Variants in GRIA4 observed in about 807,000 individuals in gnomAD.
GRIA4 encodes glutamate receptor 4.
GRIA4 carries 34 observed loss-of-function variants against 104.0 expected under a neutral mutation model. The observed-to-expected ratio is 0.33, with a 90% CI of 0.25 to 0.44. The LOEUF (loss-of-function observed/expected upper bound fraction) is 0.44. GRIA4 is among the 20% of genes least tolerant of loss of function. The pLI, the probability that GRIA4 is intolerant of heterozygous loss-of-function variation, is 1.00. For synonymous variants in GRIA4, 386 were observed against 381.9 expected (o/e 1.01, Z -0.13); for missense variants, 750 against 1,096.5 (o/e 0.68, Z 4.46).
At chr11:105,804,357 C>CAT (rs1942855205) in intron 4 of GRIA4, among the ~76,000 whole-genome samples, 1 of 147,940 alleles carries the variant, frequency 6.8e-6, no homozygotes, top group African/African-American at 2.5e-5. Context: ...CACACATGCA[C>CAT]ACACACACAC....
Position 105,964,776 on chromosome 11 carries a change from C to T in GRIA4, c.2295-7138C>T, listed in dbSNP as rs149106907. ...ACCAAATGTATGGGAGGCAGAAGCC[C>T]ATGACATGTTTTTTTTTGTTTTTTT... is the stretch of plus-strand genomic sequence containing the variant. On this transcript the variant is annotated intron_variant, in intron 14 of 16. Transcript: ENST00000282499. Among the ~76,000 whole-genome samples the T allele has an allele frequency of 7.7e-3, 1,165 of 151,170 alleles. 12 individuals are homozygous for T. The highest frequency in any genetic ancestry group is 0.013 in the Non-Finnish European group (850 of 67,804).
chr11:105,702,734 A>T lies in GRIA4; in HGVS notation c.248-50247A>T, dbSNP rs569406985. Among the ~76,000 whole-genome samples the T allele has an allele frequency of 1.3e-3, 138 of 108,182 alleles. 1 individual carries two copies. The highest frequency in any genetic ancestry group is 4.9e-3 in the African/African-American group (132 of 27,148). 71.0% of individuals were successfully genotyped at this position (108,182 alleles called of 152,430 possible). On this transcript the variant is annotated intron_variant, in intron 3 of 16. Coordinates refer to ENST00000282499, the MANE Select transcript of GRIA4 (RefSeq NM_000829.4). The stretch of plus-strand genomic sequence containing the variant: ...TTTTTTGAGACAGAATCACTCTGTT[A>T]CCCAGGCTGGAGTACAGAGGCATGA...
intron 3 of GRIA4, among the ~76,000 whole-genome samples, chr11:105,643,461 T>C (rs1192767897): frequency 6.6e-6 from 1 of 152,154 alleles, no homozygotes; most frequent in Non-Finnish European, 1.5e-5. Flanking sequence ...GACTCTCTCA[T>C]CTATTTTTAC....
chr11:105,932,129 GCTTTT>G (rs1345466103), intron 13 of GRIA4, among the ~76,000 whole-genome samples: 2 of 151,614 alleles, frequency 1.3e-5, no homozygotes, highest in Admixed American at 1.3e-4. Context: ...CAAGATTCAG[GCTTTT>G]CTTTTCTTTT....
chr11:105,830,771 G>A (rs1167061019), intron 4 of GRIA4, among the ~76,000 whole-genome samples: 4 of 151,994 alleles, frequency 2.6e-5, no homozygotes, highest in Admixed American at 2.6e-4. Flanking sequence ...CCCAGGCAAA[G>A]GGCCTGTTTG....
At chr11:105,669,092 G>A (rs184678381) in intron 3 of GRIA4, among the ~76,000 whole-genome samples, 28 of 152,050 alleles carry the variant, frequency 1.8e-4, no homozygotes, top group African/African-American at 6.3e-4. Context: ...ATCTCCCACA[G>A]TTGCTACCTT....
At chr11:105,827,389 T>C (rs1293984300) in intron 4 of GRIA4, among the ~76,000 whole-genome samples, 3 of 151,940 alleles carry the variant, frequency 2.0e-5, no homozygotes, top group Non-Finnish European at 4.4e-5. Flanking sequence ...GAATAGAAAA[T>C]ATTTAGAAGA....
At chr11:105,762,042 G>C (rs79807550) in intron 4 of GRIA4, among the ~76,000 whole-genome samples, 1 of 84,682 alleles carries the variant, frequency 1.2e-5, no homozygotes, top group Non-Finnish European at 2.7e-5. Flanking sequence ...TTTTTTTTTT[G>C]AGACGGAGTC....
intron 3 of GRIA4, among the ~76,000 whole-genome samples, chr11:105,618,548 G>A (rs1269199814): frequency 6.6e-6 from 1 of 152,002 alleles, no homozygotes; most frequent in Non-Finnish European, 1.5e-5. Flanking sequence ...TCTGGCTTGG[G>A]CAAATGTTTA....
chr11:105,903,768 G>T, intron 7 of GRIA4, 46 bp from the exon 8 acceptor site: 1 of 1,362,592 alleles, frequency 7.3e-7, no homozygotes, highest in South Asian at 1.2e-5. Flanking sequence ...TCTGGCACTC[G>T]ATAAGATTTT....
At chr11:105,687,470 G>A (rs1034979230) in intron 3 of GRIA4, among the ~76,000 whole-genome samples, 1 of 152,190 alleles carries the variant, frequency 6.6e-6, no homozygotes, top group African/African-American at 2.4e-5. Flanking sequence ...CTTCTCCTGA[G>A]GAAGAGACCA....
rs1358100514 is a variant in GRIA4, at chr11:105,895,029, GAC to G, written c.727-3239_727-3238del. Among the ~76,000 whole-genome samples, 239 of 103,770 alleles carry G rather than the reference GAC, an allele frequency of 2.3e-3. 33 individuals carry two copies. Among genetic ancestry groups the G allele is most frequent in the African/African-American group, 7.8e-3 (222 of 28,512 alleles). The allele number at this position is 103,770 out of a possible 152,430, so 68.1% of individuals were successfully genotyped here. A position where few individuals can be genotyped will look rare whatever the true frequency, so the allele number is the denominator to read the frequency against. ...TTAGCCAGGATGGTCTCGATCTCCT[GAC>G]CTCATGATCCACCCGCCTCGGCCTC... On this transcript the variant is annotated intron_variant, in intron 6 of 16. Transcript: ENST00000282499.
chr11:105,688,022 A>G (rs1464806576), intron 3 of GRIA4, among the ~76,000 whole-genome samples: 1 of 152,112 alleles, frequency 6.6e-6, no homozygotes, highest in Admixed American at 6.5e-5. Flanking sequence ...CTAAGTAGAG[A>G]ACAAAACACT....
At chr11:105,663,689 C>T (rs1419883366) in intron 3 of GRIA4, among the ~76,000 whole-genome samples, 1 of 151,752 alleles carries the variant, frequency 6.6e-6, no homozygotes, top group Non-Finnish European at 1.5e-5. Flanking sequence ...CTTAGAAGAA[C>T]ATAGAGAAAT....
chr11:105,971,798 C>G (rs1858709095), intron 14 of GRIA4, 116 bp from the exon 15 acceptor site: 1 of 630,648 alleles, frequency 1.6e-6, no homozygotes. Context: ...CAGTACAAGA[C>G]ATAGCACCTA....
At chr11:105,851,969 T>C (rs1177385257) in intron 4 of GRIA4, among the ~76,000 whole-genome samples, 2 of 152,190 alleles carry the variant, frequency 1.3e-5, no homozygotes, top group African/African-American at 4.8e-5. Flanking sequence ...TCTGGATCAG[T>C]GGCCTGAAAT....
chr11:105,960,987 G>A (rs1354015716), intron 14 of GRIA4, among the ~76,000 whole-genome samples: 1 of 152,144 alleles, frequency 6.6e-6, no homozygotes, highest in Non-Finnish European at 1.5e-5. Flanking sequence ...GGTTGCCTGT[G>A]AAGGATTCAC....
intron 3 of GRIA4, among the ~76,000 whole-genome samples, chr11:105,699,946 A>G (rs1190856802): frequency 6.6e-6 from 1 of 152,176 alleles, no homozygotes; most frequent in East Asian, 1.9e-4. Flanking sequence ...TGAAAATAGG[A>G]ACACTGTCTG....
chr11:105,636,753 TA>T (rs1951213943), intron 3 of GRIA4, among the ~76,000 whole-genome samples: 1 of 152,170 alleles, frequency 6.6e-6, no homozygotes, highest in Admixed American at 6.5e-5. Context: ...AGGGAAATCA[TA>T]AAACGATGGC....
Sources: allele counts gnomAD v4.1 joint callset (sites outside exome capture counted in the v4.1 genomes callset), GRCh38; gene constraint gnomAD v4.1.1; transcripts MANE v1.5; gene names NCBI Gene and HGNC (gene_info 2026-07-23, HGNC 2026-07-21).